RIPOR2: variants seen among roughly 807,000 people sequenced by gnomAD.
RIPOR2 encodes the protein RHO family interacting cell polarization regulator 2.
Under a neutral mutation model 114.5 loss-of-function variants are expected in RIPOR2, and 39 were observed. The observed-to-expected ratio is 0.34, with a 90% CI of 0.26 to 0.44. RIPOR2 has a LOEUF of 0.44. Among genes scored for constraint, RIPOR2 ranks in the 20% least tolerant of loss-of-function variants. The probability of loss-of-function intolerance (pLI) is 1.00; values close to 1 mark genes in which losing one functional copy is unlikely to be tolerated. For missense variants in RIPOR2, 1,007 were observed against 1,255.1 expected (o/e 0.80, Z 2.99); for synonymous variants, 445 against 484.4 (o/e 0.92, Z 1.07).
intron 1 of RIPOR2, among the ~76,000 whole-genome samples, chr6:24,978,378 G>A (rs1366544842): frequency 6.6e-6 from 1 of 151,908 alleles, no homozygotes; most frequent in African/African-American, 2.4e-5. Flanking sequence ...TCTCTGTGCC[G>A]CCATACTGCT....
chr6:25,024,203 G>T, intron 1 of RIPOR2: 1 of 1,469,164 alleles, frequency 6.8e-7, no homozygotes, highest in Non-Finnish European at 9.5e-7. Flanking sequence ...AGGGCCTGGC[G>T]AGAAAGGTGC....
At chr6:24,826,364 C>A (rs1053455266) in intron 18 of RIPOR2, among the ~76,000 whole-genome samples, 3 of 152,142 alleles carry the variant, frequency 2.0e-5, no homozygotes, top group Non-Finnish European at 4.4e-5. Context: ...GCATGATCAA[C>A]CATTAGTCAC....
chr6:24,943,615 A>T (rs388071), intron 1 of RIPOR2, among the ~76,000 whole-genome samples: 26,385 of 152,102 alleles, frequency 0.17, 2,455 homozygotes, highest in East Asian at 0.34. Context: ...GCATTTATTC[A>T]AGAAAAATGG....
intron 1 of RIPOR2, among the ~76,000 whole-genome samples, chr6:24,892,320 T>C (rs972204564): frequency 1.3e-5 from 2 of 152,106 alleles, no homozygotes; most frequent in Non-Finnish European, 2.9e-5. Context: ...CCAGGCTGGA[T>C]AGTATAATGG....
chr6:24,822,670 C>A (rs1382544258), intron 19 of RIPOR2, among the ~76,000 whole-genome samples: 1 of 152,164 alleles, frequency 6.6e-6, no homozygotes, highest in Non-Finnish European at 1.5e-5. Flanking sequence ...AGGTGCCCAC[C>A]ACCACGCCCA....
chr6:24,976,456 A>G (rs1344272145), intron 1 of RIPOR2: 7 of 1,569,142 alleles, frequency 4.5e-6, no homozygotes, highest in Non-Finnish European at 6.1e-6. Context: ...ATTGCCGTCG[A>G]CGGTGAGCCC....
intron 1 of RIPOR2, among the ~76,000 whole-genome samples, chr6:24,896,244 T>G (rs931453896): frequency 2.6e-5 from 4 of 152,224 alleles, no homozygotes; most frequent in Non-Finnish European, 4.4e-5. Flanking sequence ...TGCTTAAGTT[T>G]TCCAGAACTA....
chr6:25,012,694 A>G (rs1775821440), intron 1 of RIPOR2, among the ~76,000 whole-genome samples: 2 of 152,202 alleles, frequency 1.3e-5, no homozygotes, highest in African/African-American at 4.8e-5. Flanking sequence ...ATAGAGATAG[A>G]GAGTAGATTA....
intron 1 of RIPOR2, among the ~76,000 whole-genome samples, chr6:25,005,627 C>T (rs1775516272): frequency 7.0e-6 from 1 of 143,178 alleles, no homozygotes; most frequent in African/African-American, 2.5e-5. Context: ...TATGCAGGAC[C>T]TATTTAGCTT....
chr6:24,846,865 A>C (rs1410018691), intron 12 of RIPOR2, among the ~76,000 whole-genome samples: 1 of 152,250 alleles, frequency 6.6e-6, no homozygotes, highest in East Asian at 1.9e-4. Flanking sequence ...ATTAACAAAC[A>C]TTATAATAAA....
intron 13 of RIPOR2, chr6:24,839,619 CA>C (rs759222405): frequency 1.6e-5 from 24 of 1,534,234 alleles, no homozygotes; most frequent in Non-Finnish European, 2.1e-5. Flanking sequence ...ATTTTTATAA[CA>C]AAAAGTTGAA....
chr6:24,945,492 A>G (rs184738356), intron 1 of RIPOR2, among the ~76,000 whole-genome samples: 2 of 152,182 alleles, frequency 1.3e-5, no homozygotes, highest in Non-Finnish European at 2.9e-5. Flanking sequence ...TCTTGTTTGT[A>G]ACTCTTTTCC....
rs375786582 is a variant in RIPOR2, at chr6:24,847,959, CA to C, written c.1164+65del. ...TCCCAGCACTGTCTCTTAAGCATTTCAAATGCTGGGTGCAAGCACTGGCTCA... is the reference window on the plus strand; with the variant it reads ...TCCCAGCACTGTCTCTTAAGCATTTCAATGCTGGGTGCAAGCACTGGCTCA... On this transcript the variant is annotated intron_variant, in intron 12 of 21. Transcript: ENST00000643898. The C allele has an allele frequency of 2.0e-5, 32 of 1,596,478 alleles. No individual in the cohort carries two copies. In the African/African-American group the frequency reaches 3.6e-4, roughly 18 times the overall value.
At chr6:25,005,716 T>C (rs1191302464) in intron 1 of RIPOR2, among the ~76,000 whole-genome samples, 1 of 102,228 alleles carries the variant, frequency 9.8e-6, no homozygotes, top group Non-Finnish European at 2.3e-5. Flanking sequence ...TATATATATA[T>C]ATATATATAT....
At chr6:24,809,903 C>T in intron 20 of RIPOR2, 96 bp from the exon 21 acceptor site, 2 of 798,626 alleles carry the variant, frequency 2.5e-6, no homozygotes, top group Non-Finnish European at 4.2e-6. Context: ...TTTAGCCTCA[C>T]TTTGTTGCCC....
intron 1 of RIPOR2, among the ~76,000 whole-genome samples, chr6:24,980,905 C>T (rs755427312): frequency 2.0e-5 from 3 of 152,164 alleles, no homozygotes; most frequent in Non-Finnish European, 4.4e-5. Flanking sequence ...GGCACACATG[C>T]TTTCTCTGGC....
chr6:24,887,848 G>A (rs1299779921), intron 1 of RIPOR2, among the ~76,000 whole-genome samples: 1 of 152,186 alleles, frequency 6.6e-6, no homozygotes, highest in African/African-American at 2.4e-5. Context: ...AATGCAGGGA[G>A]TAGCAGCTGG....
intron 1 of RIPOR2, among the ~76,000 whole-genome samples, chr6:25,001,929 C>T (rs1231133366): frequency 2.6e-5 from 4 of 151,818 alleles, no homozygotes; most frequent in South Asian, 2.1e-4. Flanking sequence ...AGGACAGCCT[C>T]GATCTCCTGA....
chr6:24,868,748 C>A (rs1289926537), intron 6 of RIPOR2, among the ~76,000 whole-genome samples: 2 of 152,184 alleles, frequency 1.3e-5, no homozygotes, highest in Non-Finnish European at 2.9e-5. Context: ...TATGTGGAAC[C>A]AGAGTGTAAA....
Sources: gnomAD v4.1 joint callset for allele counts (sites outside exome capture counted in the v4.1 genomes callset) on GRCh38, gnomAD v4.1.1 for gene constraint, MANE v1.5 for transcripts, NCBI Gene and HGNC (gene_info 2026-07-23, HGNC 2026-07-21) for gene names.